The following FCHSD2 variants were observed in gnomAD, a reference collection of about 807,000 sequenced individuals.
FCHSD2 encodes F-BAR and double SH3 domains protein 2.
A neutral mutation model predicts 108.1 loss-of-function variants in FCHSD2; 38 were observed. The observed-to-expected ratio is 0.35, with a 90% CI of 0.27 to 0.46. FCHSD2 has a LOEUF of 0.46. FCHSD2 is among the 20% of genes least tolerant of loss of function. FCHSD2 has a pLI of 1.00. For missense variants in FCHSD2, 751 were observed against 897.8 expected (o/e 0.84, Z 2.09); for synonymous variants, 279 against 314.7 (o/e 0.89, Z 1.20).
chr11:73,123,354 A>C (rs1184508271), intron 2 of FCHSD2, among the ~76,000 whole-genome samples: 1 of 152,364 alleles, frequency 6.6e-6, no homozygotes, highest in East Asian at 1.9e-4. Context: ...AGTATCTGAA[A>C]TGCATATCAA....
intron 11 of FCHSD2, among the ~76,000 whole-genome samples, chr11:72,888,522 AG>A (rs1025783285): frequency 1.3e-5 from 2 of 152,254 alleles, no homozygotes; most frequent in African/African-American, 4.8e-5. Flanking sequence ...AGACGGATAT[AG>A]GTATCAATAA....
intron 9 of FCHSD2, among the ~76,000 whole-genome samples, chr11:72,919,028 G>A (rs970465028): frequency 6.6e-6 from 1 of 152,054 alleles, no homozygotes; most frequent in African/African-American, 2.4e-5. Flanking sequence ...GAATGATATA[G>A]GAAGCACTTT....
chr11:73,114,438 G>A (rs1329228096), intron 2 of FCHSD2, among the ~76,000 whole-genome samples: 2 of 151,984 alleles, frequency 1.3e-5, no homozygotes, highest in African/African-American at 2.4e-5. Flanking sequence ...CTGTGGCCAA[G>A]CTGATACCTG....
chr11:73,097,754 A>G (rs948851106), intron 2 of FCHSD2, among the ~76,000 whole-genome samples: 4 of 151,592 alleles, frequency 2.6e-5, no homozygotes, highest in Non-Finnish European at 5.9e-5. Flanking sequence ...CTAATTTTTG[A>G]AGAATTATTA....
At chr11:73,130,344 A>G (rs1165710332) in intron 2 of FCHSD2, among the ~76,000 whole-genome samples, 3 of 152,210 alleles carry the variant, frequency 2.0e-5, no homozygotes, top group African/African-American at 7.2e-5. Context: ...TGTGGGCTCA[A>G]GCAGATCCTC....
chr11:72,938,936 T>G (rs1274471612), intron 8 of FCHSD2, among the ~76,000 whole-genome samples: 4 of 152,180 alleles, frequency 2.6e-5, no homozygotes, highest in Non-Finnish European at 2.9e-5. Flanking sequence ...TAAAAAAATA[T>G]AGTAAGGATA....
chr11:72,945,050 T>C (rs1247591284), intron 8 of FCHSD2, among the ~76,000 whole-genome samples: 1 of 152,184 alleles, frequency 6.6e-6, no homozygotes, highest in East Asian at 1.9e-4. Flanking sequence ...AAAAAACTAC[T>C]TTAAAATTCA....
Position 73,015,901 on chromosome 11 carries a change from T to C in FCHSD2, c.166-16A>G. Reference sequence around the variant, plus strand: ...TCTGCATACCCTGTTAAAAAATACATATTTTTTCTAAAATAAATATTATGC... The same window carrying C: ...TCTGCATACCCTGTTAAAAAATACACATTTTTTCTAAAATAAATATTATGC... On this transcript the variant is annotated splice_polypyrimidine_tract_variant and intron_variant, in intron 3 of 19. Coordinates refer to ENST00000409418, the MANE Select transcript of FCHSD2 (RefSeq NM_014824.3). 1 of 1,450,348 alleles carries C rather than the reference T, an allele frequency of 6.9e-7. No individual in the cohort carries two copies. The highest frequency in any genetic ancestry group is 9.5e-7 in the Non-Finnish European group (1 of 1,049,914). 89.8% of individuals were successfully genotyped at this position (1,450,348 alleles called of 1,614,324 possible).
rs549795982 is a variant in FCHSD2 at position 73,031,816 on chromosome 11, G to A, written c.166-15931C>T. Among the ~76,000 whole-genome samples the A allele has an allele frequency of 5.3e-5, 8 of 152,204 alleles. No homozygotes were observed. In the East Asian group the frequency reaches 5.8e-4, roughly 11 times the overall value. ...TAAGAGCTGGCACAGCAGCCTTTTC[G>A]CCTGGAAAAGGCATATGCATTGCTT... is the stretch of plus-strand genomic sequence containing the variant. On this transcript the variant is annotated intron_variant, in intron 3 of 19. Coordinates refer to ENST00000409418, the MANE Select transcript of FCHSD2 (RefSeq NM_014824.3).
At chr11:72,928,484 T>C (rs1042508282) in intron 8 of FCHSD2, among the ~76,000 whole-genome samples, 3 of 152,102 alleles carry the variant, frequency 2.0e-5, no homozygotes, top group Non-Finnish European at 4.4e-5. Context: ...AGAATGTCCT[T>C]CCCCCCTTCT....
At chr11:72,911,739 A>T (rs1855768207) in intron 9 of FCHSD2, among the ~76,000 whole-genome samples, 1 of 151,904 alleles carries the variant, frequency 6.6e-6, no homozygotes, top group Admixed American at 6.6e-5. Context: ...GGTTAGTTAC[A>T]TATGTTCGCT....
chr11:72,936,856 C>T (rs1856312617), intron 8 of FCHSD2, among the ~76,000 whole-genome samples: 1 of 152,032 alleles, frequency 6.6e-6, no homozygotes, highest in Non-Finnish European at 1.5e-5. Context: ...ACATGGTTTC[C>T]TTTAGCTCTT....
chr11:72,884,435 G>A (rs1855154294), intron 12 of FCHSD2, among the ~76,000 whole-genome samples: 1 of 150,982 alleles, frequency 6.6e-6, no homozygotes, highest in Non-Finnish European at 1.5e-5. Context: ...ACAGTAACAG[G>A]CCCAGAGGTA....
chr11:73,000,506 T>C (rs1857605215), intron 5 of FCHSD2, among the ~76,000 whole-genome samples: 1 of 152,190 alleles, frequency 6.6e-6, no homozygotes, highest in African/African-American at 2.4e-5. Context: ...GTAACCCATA[T>C]AATTAAAGTT....
intron 3 of FCHSD2, among the ~76,000 whole-genome samples, chr11:73,045,560 C>T (rs1858742097): frequency 6.6e-6 from 1 of 151,222 alleles, no homozygotes; most frequent in Non-Finnish European, 1.5e-5. Flanking sequence ...AAATGTGGCA[C>T]ATATACACCA....
At chr11:72,920,661 A>G (rs1021746414) in intron 9 of FCHSD2, among the ~76,000 whole-genome samples, 1 of 152,200 alleles carries the variant, frequency 6.6e-6, no homozygotes, top group African/African-American at 2.4e-5. Context: ...TTTTTCATAG[A>G]CTTTTCCCCC....
At chr11:72,932,530 C>A (rs1311069944) in intron 8 of FCHSD2, among the ~76,000 whole-genome samples, 2 of 152,204 alleles carry the variant, frequency 1.3e-5, no homozygotes, top group Non-Finnish European at 2.9e-5. Flanking sequence ...TTTGGCTTCT[C>A]CAATACTCCT....
chr11:72,955,684 C>A (rs1464198919), intron 8 of FCHSD2, among the ~76,000 whole-genome samples: 1 of 152,094 alleles, frequency 6.6e-6, no homozygotes, highest in African/African-American at 2.4e-5. Flanking sequence ...TTTAGGAGCT[C>A]TGTGTCAGAC....
chr11:73,026,390 T>A (rs1858229905), intron 3 of FCHSD2, among the ~76,000 whole-genome samples: 1 of 152,236 alleles, frequency 6.6e-6, no homozygotes, highest in Non-Finnish European at 1.5e-5. Context: ...GCAAAATGAC[T>A]GACTGAGACA....
Sources: gnomAD v4.1 joint callset for allele counts (sites outside exome capture counted in the v4.1 genomes callset) on GRCh38, gnomAD v4.1.1 for gene constraint, MANE v1.5 for transcripts, NCBI Gene and HGNC (gene_info 2026-07-23, HGNC 2026-07-21) for gene names.